Variants in CSGALNACT1 observed in about 807,000 individuals in gnomAD.
CSGALNACT1 encodes beta4GalNAcT-1.
CSGALNACT1 carries 52 observed loss-of-function variants against 51.0 expected under a neutral mutation model. The ratio of observed to expected loss-of-function variants is 1.02; its 90% CI spans 0.82 to 1.29. CSGALNACT1 has a LOEUF of 1.29. Among genes scored for constraint, CSGALNACT1 ranks in the 50% most tolerant of loss-of-function variants. The probability of loss-of-function intolerance (pLI) is 0.00; values close to 1 mark genes in which losing one functional copy is unlikely to be tolerated. For missense variants in CSGALNACT1, 935 were observed against 679.2 expected, an observed-to-expected ratio of 1.38 and a Z score of -4.19; for synonymous variants, 341 against 254.4, an observed-to-expected ratio of 1.34 and a Z score of -3.24.
intron 1 of CSGALNACT1, among the ~76,000 whole-genome samples, chr8:19,697,501 CT>C (rs2061643451): frequency 6.6e-6 from 1 of 152,162 alleles, no homozygotes; most frequent in Admixed American, 6.5e-5. Context: ...TGTAAGATGA[CT>C]GGGCACCAAA....
intron 4 of CSGALNACT1, among the ~76,000 whole-genome samples, chr8:19,490,586 A>G (rs2074152428): frequency 1.3e-5 from 2 of 152,202 alleles, no homozygotes. Context: ...TTTTCTGCAG[A>G]GCCAACTGAT....
At chr8:19,642,842 C>A (rs1281230304) in intron 1 of CSGALNACT1, among the ~76,000 whole-genome samples, 1 of 148,104 alleles carries the variant, frequency 6.8e-6, no homozygotes, top group Non-Finnish European at 1.5e-5. Context: ...TCAACAACAA[C>A]AAAAAAATTG....
chr8:19,666,309 A>G (rs1372114398), intron 1 of CSGALNACT1, among the ~76,000 whole-genome samples: 2 of 152,158 alleles, frequency 1.3e-5, no homozygotes, highest in African/African-American at 4.8e-5. Context: ...AGCCCAGACA[A>G]AATCAAACAA....
At chr8:19,521,454 G>A (rs897736039) in intron 3 of CSGALNACT1, among the ~76,000 whole-genome samples, 1 of 152,180 alleles carries the variant, frequency 6.6e-6, no homozygotes, top group Non-Finnish European at 1.5e-5. Flanking sequence ...AGGCTGAAGT[G>A]GGTACATCAC....
chr8:19,634,554 C>T (rs1483529809), intron 1 of CSGALNACT1, among the ~76,000 whole-genome samples: 3 of 152,106 alleles, frequency 2.0e-5, no homozygotes, highest in Non-Finnish European at 4.4e-5. Flanking sequence ...CCCAGCTACT[C>T]AGGAGGCTGA....
chr8:19,536,655 A>T (rs1423942014), intron 3 of CSGALNACT1, among the ~76,000 whole-genome samples: 1 of 152,238 alleles, frequency 6.6e-6, no homozygotes. Context: ...CTTTGTACAT[A>T]TGAAGATTAT....
At chr8:19,469,639 C>G (rs1020835812) in intron 4 of CSGALNACT1, among the ~76,000 whole-genome samples, 1 of 152,124 alleles carries the variant, frequency 6.6e-6, no homozygotes, top group Admixed American at 6.5e-5. Context: ...GGACACTTCC[C>G]CAGGTCTGGC....
intron 1 of CSGALNACT1, among the ~76,000 whole-genome samples, chr8:19,674,778 G>A (rs1202443463): frequency 2.6e-5 from 4 of 152,084 alleles, no homozygotes; most frequent in African/African-American, 9.7e-5. Context: ...CTCTGTATGT[G>A]AGAAATGATC....
chr8:19,470,241 C>T (rs1346127881), intron 4 of CSGALNACT1, among the ~76,000 whole-genome samples: 1 of 151,952 alleles, frequency 6.6e-6, no homozygotes, highest in African/African-American at 2.4e-5. Context: ...AAGCTTGGGG[C>T]AAGGAACCAC....
At chr8:19,475,092 A>G (rs543153126) in intron 4 of CSGALNACT1, among the ~76,000 whole-genome samples, 54 of 152,260 alleles carry the variant, frequency 3.5e-4, no homozygotes, top group Non-Finnish European at 5.4e-4. Context: ...GCACCCAGAC[A>G]GGGGAGTCTC....
At chr8:19,435,221 G>A (rs181556686) in intron 6 of CSGALNACT1, among the ~76,000 whole-genome samples, 75 of 152,238 alleles carry the variant, frequency 4.9e-4, no homozygotes, top group Middle Eastern at 3.4e-3. Context: ...TTGGCCAGGC[G>A]CGGTTGCTCA....
chr8:19,732,841 T>C (rs1276878409), intron 1 of CSGALNACT1, among the ~76,000 whole-genome samples: 1 of 152,250 alleles, frequency 6.6e-6, no homozygotes, highest in East Asian at 1.9e-4. Context: ...TTTTTTAGAA[T>C]GCAAATAATT....
rs745646945 is a variant in CSGALNACT1, at chr8:19,420,366, T to C, written c.1106A>G (p.Asn369Ser). Residue 369 changes from asparagine (N) to serine (S), a missense_variant, in exon 7 of 10, where the codon AAT (asparagine) becomes AGT (serine). By Grantham distance (46) the Asn-to-Ser change is conservative. Transcript: ENST00000454498. ...TGGCTGTGTATTCAGCCTACACGTA[T>C]TGAGGAATTCAGATGTGAAGTAGAT... is the stretch of plus-strand genomic sequence containing the variant. 9.6e-5 allele frequency: 155 copies of C among 1,614,002 alleles called. No individual in the cohort carries two copies. The highest frequency in any genetic ancestry group is 1.2e-4 in the Non-Finnish European group (146 of 1,180,012).
At chr8:19,575,075 G>A (rs1042222979) in intron 3 of CSGALNACT1, among the ~76,000 whole-genome samples, 5 of 151,678 alleles carry the variant, frequency 3.3e-5, no homozygotes, top group South Asian at 2.1e-4. Context: ...TAATATGACC[G>A]TTTTAGAGCT....
intron 6 of CSGALNACT1, among the ~76,000 whole-genome samples, chr8:19,438,295 A>T (rs1260810250): frequency 2.0e-5 from 3 of 152,214 alleles, no homozygotes; most frequent in Non-Finnish European, 4.4e-5. Flanking sequence ...CTTTAGAATC[A>T]TCCGGGAAAC....
chr8:19,664,658 C>CACACACAT (rs372796196), intron 1 of CSGALNACT1, among the ~76,000 whole-genome samples: 56 of 151,110 alleles, frequency 3.7e-4, no homozygotes, highest in Admixed American at 1.5e-3. Flanking sequence ...CACACACACA[C>CACACACAT]ACACACATAC....
At chr8:19,501,895 C>T (rs1047926334) in intron 4 of CSGALNACT1, among the ~76,000 whole-genome samples, 1 of 152,172 alleles carries the variant, frequency 6.6e-6, no homozygotes, top group East Asian at 1.9e-4. Flanking sequence ...CACTTCTCTT[C>T]CCAGATGGTT....
At chr8:19,501,819 A>G (rs910580615) in intron 4 of CSGALNACT1, among the ~76,000 whole-genome samples, 1 of 152,220 alleles carries the variant, frequency 6.6e-6, no homozygotes, top group African/African-American at 2.4e-5. Flanking sequence ...TAAACAACAT[A>G]AAGAGGGATT....
At chr8:19,713,906 T>C (rs540188057) in intron 1 of CSGALNACT1, among the ~76,000 whole-genome samples, 1 of 152,348 alleles carries the variant, frequency 6.6e-6, no homozygotes, top group South Asian at 2.1e-4. Context: ...AGCCAAGCTG[T>C]GGTGAAAGGA....
Sources: gnomAD v4.1 joint callset for allele counts (sites outside exome capture counted in the v4.1 genomes callset) on GRCh38, gnomAD v4.1.1 for gene constraint, MANE v1.5 for transcripts, NCBI Gene and HGNC (gene_info 2026-07-23, HGNC 2026-07-21) for gene names.